NCOR2: variants seen among roughly 807,000 people sequenced by gnomAD.
NCOR2 encodes the protein CTG repeat protein 26.
NCOR2 carries 81 observed loss-of-function variants against 262.9 expected under a neutral mutation model. That is an observed-to-expected ratio of 0.31 (90% CI 0.26 to 0.37). The LOEUF (loss-of-function observed/expected upper bound fraction) is 0.37, where lower values mean the gene tolerates loss of function less well. NCOR2 is among the 10% of genes least tolerant of loss of function. The probability of loss-of-function intolerance (pLI) is 1.00; values close to 1 mark genes in which losing one functional copy is unlikely to be tolerated. For synonymous variants in NCOR2, 1,659 were observed against 1,559.3 expected (o/e 1.06, Z -1.51); for missense variants, 3,385 against 3,621.4 (o/e 0.93, Z 1.68).
intron 17 of NCOR2, 137 bp downstream of exon 19, chr12:124,385,608 G>A: frequency 7.5e-7 from 1 of 1,325,190 alleles, no homozygotes; most frequent in Non-Finnish European, 1.0e-6. Flanking sequence ...TGAACCCCCA[G>A]AAGCTGAGTT....
intron 22 of NCOR2, 130 bp downstream of exon 24, chr12:124,361,996 C>T (rs1351436683): frequency 1.2e-6 from 1 of 832,928 alleles, no homozygotes; most frequent in African/African-American, 1.8e-5. Flanking sequence ...TCAACTGTTC[C>T]ATTCGTTTAC....
At chr12:124,437,195 A>T (rs1344073879) in intron 8 of NCOR2, among the ~76,000 whole-genome samples, 1 of 152,260 alleles carries the variant, frequency 6.6e-6, no homozygotes, top group Non-Finnish European at 1.5e-5. Context: ...CACCCAACAG[A>T]CATTTCCAGC....
chr12:124,407,255 G>A (rs373999348), intron 13 of NCOR2, among the ~76,000 whole-genome samples: 1 of 152,262 alleles, frequency 6.6e-6, no homozygotes, highest in South Asian at 2.1e-4. Context: ...ACAAAGACAG[G>A]CCAGATGGAG....
chr12:124,483,454 G>A lies in NCOR2; in HGVS notation c.411+142C>T, dbSNP rs748743657. ...TGCCCTCTTCCTGCCACCCAGCTCT[G>A]TGCACCCGGTGCTTGGCCCACCTCC... On this transcript the variant is annotated intron_variant, in intron 3 of 46. Coordinates refer to ENST00000405201, the Ensembl canonical transcript of NCOR2. The surrounding 1 kb of genome is among the most constrained non-coding windows in gnomAD (Gnocchi z 6.3). 1.8e-4 allele frequency: 163 copies of A among 893,150 alleles called. No individual in the cohort carries two copies. Among genetic ancestry groups the A allele is most frequent in the Non-Finnish European group, 2.6e-4 (160 of 617,102 alleles). 55.3% of individuals were successfully genotyped at this position (893,150 alleles called of 1,614,324 possible). A position where few individuals can be genotyped will look rare whatever the true frequency, so the allele number is the denominator to read the frequency against.
At chr12:124,556,001 A>C (rs2051871304) in intron 1 of NCOR2, 1 of 152,270 alleles carries the variant, frequency 6.6e-6, no homozygotes, top group Admixed American at 6.5e-5. Flanking sequence ...GACAACCTCG[A>C]GAGACGAGGA....
chr12:124,371,655 C>T (rs1276125937), intron 20 of NCOR2, among the ~76,000 whole-genome samples: 1 of 152,210 alleles, frequency 6.6e-6, no homozygotes, highest in Non-Finnish European at 1.5e-5. Context: ...ATGGTGCCCC[C>T]AGGCTCCTGG....
Position 124,340,755 on chromosome 12 carries a change from C to G in NCOR2, c.5189-4G>C. ...ACTTGGGACAGGTCGATGATGCCTG[C>G]GGGAGGTGTTGGGCCAGGGCTGTAG... is the stretch of plus-strand genomic sequence containing the variant. On this transcript the variant is annotated splice_polypyrimidine_tract_variant and splice_region_variant and intron_variant, in intron 34 of 46. Coordinates refer to ENST00000405201, the Ensembl canonical transcript of NCOR2. 6.5e-7 allele frequency: 1 copy of G among 1,532,092 alleles called. No homozygotes were observed. The highest frequency in any genetic ancestry group is 8.7e-7 in the Non-Finnish European group (1 of 1,153,050). 94.9% of individuals were successfully genotyped at this position (1,532,092 alleles called of 1,614,324 possible).
intron 10 of NCOR2, 147 bp downstream of exon 12, chr12:124,429,466 A>G: frequency 2.5e-6 from 2 of 791,042 alleles, no homozygotes; most frequent in Non-Finnish European, 4.2e-6. Context: ...CGGGTACCTC[A>G]ATACCCACCT....
At position 124,523,076 on chromosome 12, in the gene NCOR2, G is replaced by A. The variant is rs951110286; in HGVS notation, c.-118+12489C>T. 3.9e-5 allele frequency among the ~76,000 whole-genome samples: 6 copies of A among 152,190 alleles called. No individual in the cohort carries two copies. Among genetic ancestry groups the A allele is most frequent in the Non-Finnish European group, 8.8e-5 (6 of 68,040 alleles). Reference sequence around the variant, plus strand: ...GCATCCTATTTCCCCATCCAGGCCCGGGATTCTTCTCCACAAAAGCATCAA... The same window carrying A: ...GCATCCTATTTCCCCATCCAGGCCCAGGATTCTTCTCCACAAAAGCATCAA... On this transcript the variant is annotated intron_variant, in intron 1 of 46. Transcript: ENST00000404621. The surrounding 1 kb of genome is among the most constrained non-coding windows in gnomAD (Gnocchi z 4.0).
At chr12:124,537,720 C>A (rs937775010), upstream of NCOR2, 1 of 152,342 alleles carries the variant, frequency 6.6e-6, no homozygotes, top group African/African-American at 2.4e-5. Context: ...GGGCTGGCAG[C>A]CAAGCTCCGA....
In NCOR2 at chr12:124,347,808, AG is replaced by A. The variant is rs374008902; in HGVS notation, c.4072+16del. The A allele has an allele frequency of 2.8e-4, 433 of 1,556,064 alleles. 5 individuals carry two copies. The East Asian group carries it at 5.3e-3, about 19-fold the overall frequency. ...CACCCGTTGGGGGCAACGAGGGAGC[AG>A]GGAACAGGGCAGTACCTTGTGTGAT... On this transcript the variant is annotated intron_variant, in intron 30 of 46. Transcript: ENST00000405201.
At chr12:124,420,632 T>C (rs1468043588) in intron 12 of NCOR2, among the ~76,000 whole-genome samples, 1 of 152,216 alleles carries the variant, frequency 6.6e-6, no homozygotes, top group East Asian at 1.9e-4. Flanking sequence ...CCATGTAGAT[T>C]GGGTCTGAAA....
In NCOR2 at chr12:124,443,485, CTTTA is replaced by C. The variant is rs141568559; in HGVS notation, c.816-5493_816-5490del. 6.6e-6 allele frequency among the ~76,000 whole-genome samples: 1 copy of C among 151,956 alleles called. No individual in the cohort carries two copies. The highest frequency in any genetic ancestry group is 1.5e-5 in the Non-Finnish European group (1 of 67,928). Reference sequence around the variant, plus strand: ...GAGGGTGTTGTGTTGGGCTGTGGTGCTTTATTTATTTATTTTTTATTTTTTATTT... The same window carrying C: ...GAGGGTGTTGTGTTGGGCTGTGGTGCTTTATTTATTTTTTATTTTTTATTT... On this transcript the variant is annotated intron_variant, in intron 7 of 46. Transcript: ENST00000405201. The surrounding 1 kb of genome is among the most constrained non-coding windows in gnomAD (Gnocchi z 4.4).
intron 3 of NCOR2, among the ~76,000 whole-genome samples, chr12:124,479,605 G>GCTAT (rs1426646208): frequency 6.6e-6 from 1 of 152,268 alleles, no homozygotes; most frequent in Non-Finnish European, 1.5e-5. Context: ...ACCCTGGCCT[G>GCTAT]CTATCCATCC....
intron 7 of NCOR2, among the ~76,000 whole-genome samples, chr12:124,444,854 G>A (rs542289560): frequency 3.9e-5 from 6 of 152,272 alleles, no homozygotes; most frequent in African/African-American, 1.2e-4. Context: ...GCAGGGCCTG[G>A]AGTAGAGACC....
rs372180570 is a variant in NCOR2 at position 124,483,630 on chromosome 12, G to T, written c.377C>A (p.Thr126Lys). The T allele has an allele frequency of 6.2e-7, 1 of 1,608,666 alleles. No homozygotes were observed. Among genetic ancestry groups the T allele is most frequent in the Non-Finnish European group, 8.5e-7 (1 of 1,177,780 alleles). The change falls in exon 3 of 47, where the codon ACG becomes AAG. Residue 126 changes from threonine to lysine, a missense_variant. This residue lies in a region of NCOR2 where 237 missense variants were observed against 229.4 expected (regional missense o/e 1.03). Transcript: ENST00000405201. The surrounding 1 kb of genome is among the most constrained non-coding windows in gnomAD (Gnocchi z 6.3). The stretch of plus-strand genomic sequence containing the variant: ...GTCTTCAGATCCCGCAGGCTGGCCC[G>T]TGGCCAGCAGGGGTGACGGTCGCAG...
intron 13 of NCOR2, among the ~76,000 whole-genome samples, 183 bp from the exon 16 acceptor site, chr12:124,402,744 C>T (rs972860331): frequency 5.3e-5 from 8 of 152,084 alleles, no homozygotes; most frequent in Admixed American, 4.6e-4. Context: ...GGGAGAGGCA[C>T]GGCCTGGGGT....
At chr12:124,515,474 CA>C (rs2049681558) in intron 1 of NCOR2, among the ~76,000 whole-genome samples, 1 of 152,046 alleles carries the variant, frequency 6.6e-6, no homozygotes, top group East Asian at 1.9e-4. Context: ...GAGACAACGA[CA>C]ATTCATCATC....
At chr12:124,400,822 G>T in intron 14 of NCOR2, 149 bp from the exon 17 acceptor site, 1 of 1,022,462 alleles carries the variant, frequency 9.8e-7, no homozygotes, top group Non-Finnish European at 1.4e-6. Context: ...GAGGCCTGAG[G>T]TGAGGGTGGC....
Sources: gnomAD v4.1 joint callset for allele counts (sites outside exome capture counted in the v4.1 genomes callset) on GRCh38, gnomAD v4.1.1 for gene constraint, gnomAD v4.1.1 regional missense constraint, Gnocchi (gnomAD v3.1) non-coding constraint, MANE v1.5 for transcripts, NCBI Gene and HGNC (gene_info 2026-07-23, HGNC 2026-07-21) for gene names.